Variants in LINGO2 observed in about 807,000 individuals in gnomAD.
The protein encoded by LINGO2 is leucine rich repeat and Ig domain containing 2, also known as leucine-rich repeat and immunoglobulin-like domain-containing nogo receptor-interacting protein 2.
LINGO2 carries 14 observed loss-of-function variants against 30.6 expected under a neutral mutation model. The ratio of observed to expected loss-of-function variants is 0.46; its 90% CI spans 0.30 to 0.72. LINGO2 has a LOEUF of 0.72. Ranked by LOEUF, LINGO2 falls within the 30% of genes least tolerant of loss-of-function variation. The probability of loss-of-function intolerance (pLI) is 0.07; values close to 1 mark genes in which losing one functional copy is unlikely to be tolerated. For missense variants in LINGO2, 729 were observed against 751.7 expected (o/e 0.97, Z 0.35); for synonymous variants, 317 against 288.5 (o/e 1.10, Z -1.00).
intron 3 of LINGO2, among the ~76,000 whole-genome samples, chr9:28,355,416 G>A (rs150977490): frequency 0.017 from 2,368 of 138,484 alleles, 29 homozygotes; most frequent in Admixed American, 0.027. Flanking sequence ...TGTGTGCATT[G>A]CCTTGGAAAA....
intron 2 of LINGO2, among the ~76,000 whole-genome samples, chr9:28,388,423 C>T (rs1821688465): frequency 1.3e-5 from 2 of 152,120 alleles, no homozygotes; most frequent in Admixed American, 1.3e-4. Flanking sequence ...CATAAGTGTC[C>T]CTTAGGTTTA....
the LINGO2 span, among the ~76,000 whole-genome samples, chr9:29,118,183 G>T: frequency 6.6e-6 from 1 of 152,166 alleles, no homozygotes; most frequent in Non-Finnish European, 1.5e-5. Flanking sequence ...CAAAGAGGTT[G>T]ACTTACCCTG....
intron 4 of LINGO2, among the ~76,000 whole-genome samples, chr9:28,090,659 C>G (rs1346398146): frequency 6.6e-6 from 1 of 152,098 alleles, no homozygotes; most frequent in African/African-American, 2.4e-5. Flanking sequence ...TGGCACAAGA[C>G]AGGGATACCT....
intron 4 of LINGO2, among the ~76,000 whole-genome samples, chr9:28,247,558 A>T (rs1000457626): frequency 1.3e-5 from 2 of 152,140 alleles, no homozygotes; most frequent in Admixed American, 6.6e-5. Flanking sequence ...ATGAGAACAC[A>T]TGGACACAGG....
intron 1 of LINGO2, among the ~76,000 whole-genome samples, chr9:28,643,320 T>C (rs745401842): frequency 6.6e-6 from 1 of 152,006 alleles, no homozygotes; most frequent in African/African-American, 2.4e-5. Context: ...CAAAAAAGCA[T>C]GCTACTGGCA....
chr9:28,080,825 CAGTT>C (rs955025674), intron 4 of LINGO2: 7 of 152,148 alleles, frequency 4.6e-5, no homozygotes, highest in Admixed American at 2.0e-4. Context: ...TACTCTTACT[CAGTT>C]AGGACAAATG....
chr9:28,760,951 C>CACACATACACACAT, the LINGO2 span, among the ~76,000 whole-genome samples: 1 of 150,598 alleles, frequency 6.6e-6, no homozygotes, highest in African/African-American at 2.5e-5. Context: ...TATATACACA[C>CACACATACACACAT]ACACATACAC....
At chr9:29,124,564 A>G in the LINGO2 span, among the ~76,000 whole-genome samples, 555 of 152,338 alleles carry the variant, frequency 3.6e-3, 2 homozygotes, top group African/African-American at 0.013. Context: ...ACAAATTTAT[A>G]AGAAATAAAC....
intron 1 of LINGO2, among the ~76,000 whole-genome samples, chr9:28,515,297 C>T (rs1456647151): frequency 2.0e-5 from 3 of 151,798 alleles, no homozygotes; most frequent in Non-Finnish European, 4.4e-5. Context: ...AGCTCCGCCT[C>T]CCAGGCTCAT....
chr9:29,147,791 G>A, the LINGO2 span, among the ~76,000 whole-genome samples: 1 of 152,010 alleles, frequency 6.6e-6, no homozygotes, highest in Non-Finnish European at 1.5e-5. Flanking sequence ...TAACTGAACA[G>A]CTCACAGTTC....
At chr9:28,298,886 A>T (rs2134198807) in intron 3 of LINGO2, among the ~76,000 whole-genome samples, 1 of 152,326 alleles carries the variant, frequency 6.6e-6, no homozygotes, top group African/African-American at 2.4e-5. Context: ...TTTGGAAAAC[A>T]AAGGAGAAGA....
At chr9:28,572,267 T>C (rs571368697) in intron 1 of LINGO2, among the ~76,000 whole-genome samples, 20 of 152,146 alleles carry the variant, frequency 1.3e-4, no homozygotes, top group Non-Finnish European at 2.1e-4. Context: ...CCTTGGATTA[T>C]ATCTCTCTGG....
intron 3 of LINGO2, among the ~76,000 whole-genome samples, chr9:28,333,202 GT>G (rs1825482450): frequency 6.6e-6 from 1 of 152,134 alleles, no homozygotes; most frequent in Non-Finnish European, 1.5e-5. Flanking sequence ...ATGTCTTTGT[GT>G]TTTAACAATT....
chr9:28,742,165 T>G, the LINGO2 span, among the ~76,000 whole-genome samples: 8 of 151,962 alleles, frequency 5.3e-5, no homozygotes, highest in Non-Finnish European at 7.4e-5. Context: ...AATGCTCACT[T>G]ATCTCTCCTT....
the LINGO2 span, among the ~76,000 whole-genome samples, chr9:28,789,512 C>G: frequency 6.6e-6 from 1 of 152,278 alleles, no homozygotes; most frequent in Admixed American, 6.5e-5. Context: ...AGCCCAAAGA[C>G]CCCATATGTT....
At chr9:27,979,498 A>T (rs769424334) in intron 5 of LINGO2, among the ~76,000 whole-genome samples, 35 of 152,090 alleles carry the variant, frequency 2.3e-4, no homozygotes, top group Non-Finnish European at 4.1e-4. Context: ...GGAATTAAAT[A>T]ATTGTGTGCA....
chr9:28,947,422 T>C, the LINGO2 span, among the ~76,000 whole-genome samples: 33 of 152,066 alleles, frequency 2.2e-4, no homozygotes, highest in Non-Finnish European at 3.7e-4. Flanking sequence ...AACTTCTGTT[T>C]CTGCATCTTT....
the LINGO2 span, among the ~76,000 whole-genome samples, chr9:28,883,618 A>G: frequency 3.4e-3 from 122 of 36,296 alleles, 3 homozygotes; most frequent in Middle Eastern, 0.045. Context: ...TATATAAAAT[A>G]TGTGTGTGTG....
chr9:29,038,066 T>C, the LINGO2 span, among the ~76,000 whole-genome samples: 1 of 152,030 alleles, frequency 6.6e-6, no homozygotes, highest in Non-Finnish European at 1.5e-5. Flanking sequence ...ATTTTGAATA[T>C]TACAAAAGAT....
Sources: gnomAD v4.1 joint callset for allele counts (sites outside exome capture counted in the v4.1 genomes callset) on GRCh38, gnomAD v4.1.1 for gene constraint, MANE v1.5 for transcripts, NCBI Gene and HGNC (gene_info 2026-07-23, HGNC 2026-07-21) for gene names.